TRIM17: variants seen among roughly 807,000 people sequenced by gnomAD.
The protein encoded by TRIM17 is E3 ubiquitin-protein ligase TRIM17.
In TRIM17, 27 loss-of-function variants were observed where a neutral mutation model predicts 35.8. The observed-to-expected ratio is 0.75, with a 90% CI of 0.56 to 1.04. The LOEUF is 1.04. Ranked by LOEUF, TRIM17 falls within the 50% of genes least tolerant of loss-of-function variation. TRIM17 has a pLI of 0.00. For missense variants in TRIM17, 582 were observed against 612.8 expected (o/e 0.95, Z 0.53); for synonymous variants, 246 against 252.6 (o/e 0.97, Z 0.25).
At position 228,413,790 on chromosome 1, in the gene TRIM17, C is replaced by T. The variant is rs745899723; in HGVS notation, c.525+7G>A. The T allele has an allele frequency of 1.1e-5, 18 of 1,612,410 alleles. No individual in the cohort carries two copies. In the Admixed American group the frequency reaches 3.0e-4, roughly 27 times the overall value. On this transcript the variant is annotated splice_region_variant and intron_variant, in intron 3 of 6. Coordinates refer to ENST00000366698, the MANE Select transcript of TRIM17 (RefSeq NM_016102.4). Reference sequence around the variant, plus strand: ...AGGAAAGGGACTGGACAGCCCTGGGCACCCACCTGCCACTCGGCTAAGCTC... The same window carrying T: ...AGGAAAGGGACTGGACAGCCCTGGGTACCCACCTGCCACTCGGCTAAGCTC...
rs766000921 is a variant in TRIM17, at chr1:228,408,205, C to T, written c.1430G>A (p.Gly477Glu). 3 of 1,525,698 alleles carry T rather than the reference C, an allele frequency of 2.0e-6. No homozygotes were observed. The South Asian group carries it at 3.9e-5, about 20-fold the overall frequency. 94.5% of individuals were successfully genotyped at this position (1,525,698 alleles called of 1,614,324 possible). Reference sequence around the variant, plus strand: ...CCCGAGTCCCCCGGTCTGTGTCTATCCTTTCACCCACATGGTCACTGTGGA... The same window carrying T: ...CCCGAGTCCCCCGGTCTGTGTCTATTCTTTCACCCACATGGTCACTGTGGA... ...VISTVTMWVKG is the reference protein window; with the variant it reads ...VISTVTMWVKE Residue 477 changes from glycine to glutamate, a missense_variant, in exon 7 of 7, where the codon GGA (glycine) becomes GAA (glutamate). By Grantham distance (98) the Gly-to-Glu change is moderately conservative. Transcript: ENST00000366698. This position sits in a 1 kb window ranked among gnomAD's most constrained non-coding sequence, Gnocchi z 6.3.
Position 228,409,598 on chromosome 1 carries a change from G to A in TRIM17, c.757-187C>T, listed in dbSNP as rs946764994. 4 of 548,962 alleles carry A rather than the reference G, an allele frequency of 7.3e-6. No individual in the cohort carries two copies. In the Admixed American group the frequency reaches 1.1e-4, roughly 15 times the overall value. The allele number at this position is 548,962 out of a possible 1,614,324, so 34.0% of individuals were successfully genotyped here. ...TGCCCTAGCTCCCACTACCACCAGA[G>A]CCCCCAGTGCCTCACCTAAGCTGAG... is the stretch of plus-strand genomic sequence containing the variant. On this transcript the variant is annotated intron_variant, in intron 4 of 6. Transcript: ENST00000366698.
In TRIM17 at chr1:228,408,001, C is replaced by T; in HGVS notation, c.*200G>A. On this transcript the variant is annotated 3_prime_UTR_variant, in exon 7 of 7. Transcript: ENST00000366698. This position sits in a 1 kb window ranked among gnomAD's most constrained non-coding sequence, Gnocchi z 6.3. The stretch of plus-strand genomic sequence containing the variant: ...GAACGCAGGGGCTTTCAAAAGTTTC[C>T]TCTAGGAAGCATCTGTCAGTATACC... The T allele has an allele frequency of 2.2e-6, 1 of 450,226 alleles. No homozygotes were observed. The highest frequency in any genetic ancestry group is 3.8e-6 in the Non-Finnish European group (1 of 266,148). 27.9% of individuals were successfully genotyped at this position (450,226 alleles called of 1,614,324 possible).
At chr1:228,409,457 G>A (rs375100055) in intron 4 of TRIM17, 46 bp from the exon 5 acceptor site, 1 of 1,469,102 alleles carries the variant, frequency 6.8e-7, no homozygotes, top group Non-Finnish European at 9.0e-7. Context: ...CAAGCTCCTG[G>A]CTCACCTCAA....
Position 228,408,415 on chromosome 1 carries a change from G to T in TRIM17, c.1220C>A (p.Thr407Asn), listed in dbSNP as rs144009035. The T allele has an allele frequency of 1.1e-3, 1,854 of 1,614,210 alleles. 1 individual carries two copies. The highest frequency in any genetic ancestry group is 1.4e-3 in the Non-Finnish European group (1,682 of 1,180,028). Reference sequence around the variant, plus strand: ...GGGAGGCTCCATCAGCATGACCGGGGTTAGGGCAGAGAAGGTGGATAAGTA... The same window carrying T: ...GGGAGGCTCCATCAGCATGACCGGGTTTAGGGCAGAGAAGGTGGATAAGTA... Reference protein sequence around the residue: ...TKYLSTFSALTPVMLMEPPSH... With the variant: ...TKYLSTFSALNPVMLMEPPSH... The change falls in exon 7 of 7, where the codon ACC becomes AAC. Residue 407 changes from threonine (T) to asparagine (N), a missense_variant. Transcript: ENST00000366698. The surrounding 1 kb of genome is among the most constrained non-coding windows in gnomAD (Gnocchi z 6.3).
At position 228,408,422 on chromosome 1, in the gene TRIM17, C is replaced by T; in HGVS notation, c.1213G>A (p.Ala405Thr). The change falls in exon 7 of 7, where the codon GCC becomes ACC. Residue 405 changes from alanine to threonine, a missense_variant. By Grantham distance (58) the Ala-to-Thr change is moderately conservative. Coordinates refer to ENST00000366698, the MANE Select transcript of TRIM17 (RefSeq NM_016102.4). This position sits in a 1 kb window ranked among gnomAD's most constrained non-coding sequence, Gnocchi z 6.3. Reference protein sequence around the residue: ...KGTKYLSTFSALTPVMLMEPP... With the variant: ...KGTKYLSTFSTLTPVMLMEPP... ...TCCATCAGCATGACCGGGGTTAGGG[C>T]AGAGAAGGTGGATAAGTACTTGGTC... 1 of 1,614,182 alleles carries T rather than the reference C, an allele frequency of 6.2e-7. No individual in the cohort carries two copies. The highest frequency in any genetic ancestry group is 8.5e-7 in the Non-Finnish European group (1 of 1,180,024).
rs1464268804 is a variant in TRIM17 at position 228,409,281 on chromosome 1, G to A, written c.780-6C>T. ...GCACACTCACGTTGTTCTTCCTCCG[G>A]TGGGCACACACAGGGGAGTCTTATT... On this transcript the variant is annotated splice_region_variant and splice_polypyrimidine_tract_variant and intron_variant, in intron 5 of 6. Coordinates refer to ENST00000366698, the MANE Select transcript of TRIM17 (RefSeq NM_016102.4). The A allele has an allele frequency of 1.9e-6, 3 of 1,613,186 alleles. No homozygotes were observed. Among genetic ancestry groups the A allele is most frequent in the South Asian group, 1.1e-5 (1 of 91,068 alleles).
rs900402839 is a variant in TRIM17, at chr1:228,407,997, T to A, written c.*204A>T. The A allele has an allele frequency of 9.2e-6, 4 of 433,930 alleles. No homozygotes were observed. The highest frequency in any genetic ancestry group is 1.6e-5 in the Non-Finnish European group (4 of 254,252). The allele number at this position is 433,930 out of a possible 1,614,324, so 26.9% of individuals were successfully genotyped here. On this transcript the variant is annotated 3_prime_UTR_variant, in exon 7 of 7. Transcript: ENST00000366698. ...CTCAGAACGCAGGGGCTTTCAAAAG[T>A]TTCCTCTAGGAAGCATCTGTCAGTA...
chr1:228,411,386 A>T lies in TRIM17; in HGVS notation c.526-210T>A, dbSNP rs541658979. Among the ~76,000 whole-genome samples the T allele has an allele frequency of 6.6e-6, 1 of 152,292 alleles. No individual in the cohort carries two copies. Among genetic ancestry groups the T allele is most frequent in the South Asian group, 2.1e-4 (1 of 4,828 alleles). Reference sequence around the variant, plus strand: ...GAGCCCCGAACTGCAACTTCTACACATCCAAACACCCATGCACCCTTGCTC... The same window carrying T: ...GAGCCCCGAACTGCAACTTCTACACTTCCAAACACCCATGCACCCTTGCTC... On this transcript the variant is annotated intron_variant, in intron 3 of 6. Coordinates refer to ENST00000366698, the MANE Select transcript of TRIM17 (RefSeq NM_016102.4). This position sits in a 1 kb window ranked among gnomAD's most constrained non-coding sequence, Gnocchi z 4.2.
intron 1 of TRIM17, chr1:228,415,836 C>G (rs1213317361): frequency 6.6e-6 from 1 of 152,440 alleles, no homozygotes. Flanking sequence ...CGCATACACA[C>G]CACACAAATA....
chr1:228,412,965 C>G (rs1656865583), intron 3 of TRIM17, among the ~76,000 whole-genome samples: 1 of 152,120 alleles, frequency 6.6e-6, no homozygotes, highest in African/African-American at 2.4e-5. Flanking sequence ...AATCCCAGCA[C>G]TTTGGGAGGC....
rs142038911 is a variant in TRIM17, at chr1:228,408,261, C to T, written c.1374G>A (p.Leu458=). Residue 458 remains leucine (L), a synonymous_variant, in exon 7 of 7, where the codon CTG becomes CTA. Transcript: ENST00000366698. The surrounding 1 kb of genome is among the most constrained non-coding windows in gnomAD (Gnocchi z 6.3). ...CCATCTGACCAGACTTCGGAGCCCC[C>T]AGGCAGAAGAAAGGCTGCAGGGGGC... The part of the protein sequence containing the change: ...FPGPLQPFFC[L]GAPKSGQMVI... 4.3e-4 allele frequency: 673 copies of T among 1,581,784 alleles called. 1 individual carries two copies. The African/African-American group carries it at 8.5e-3, about 20-fold the overall frequency.
rs1425255416 is a variant in TRIM17 at position 228,411,586 on chromosome 1, G to C, written c.526-410C>G. The stretch of plus-strand genomic sequence containing the variant: ...TTGACCTCCTGGGCTCAAGTCATCT[G>C]AGTAGCTGGGACCACAGGCATGCAC... On this transcript the variant is annotated intron_variant, in intron 3 of 6. Coordinates refer to ENST00000366698, the MANE Select transcript of TRIM17 (RefSeq NM_016102.4). This position sits in a 1 kb window ranked among gnomAD's most constrained non-coding sequence, Gnocchi z 4.2. Among the ~76,000 whole-genome samples, 1 of 151,748 alleles carries C rather than the reference G, an allele frequency of 6.6e-6. No individual in the cohort carries two copies. Among genetic ancestry groups the C allele is most frequent in the Non-Finnish European group, 1.5e-5 (1 of 67,964 alleles).
Position 228,408,124 on chromosome 1 carries a change from G to C in TRIM17, c.*77C>G, listed in dbSNP as rs1656537030. 3 of 1,404,398 alleles carry C rather than the reference G, an allele frequency of 2.1e-6. No homozygotes were observed. In the East Asian group the frequency reaches 7.1e-5, roughly 33 times the overall value. 87.0% of individuals were successfully genotyped at this position (1,404,398 alleles called of 1,614,324 possible). A position where few individuals can be genotyped will look rare whatever the true frequency, so the allele number is the denominator to read the frequency against. On this transcript the variant is annotated 3_prime_UTR_variant, in exon 7 of 7. Transcript: ENST00000366698. This position sits in a 1 kb window ranked among gnomAD's most constrained non-coding sequence, Gnocchi z 6.3. ...GCCAGCGTGATGCCAGAGAACCCTG[G>C]CAGGTGGCCTGCAGTAAGCAGAAGG...
chr1:228,411,024 G>A lies in TRIM17; in HGVS notation c.678C>T (p.Asp226=), dbSNP rs766380614. 2 of 1,612,822 alleles carry A rather than the reference G, an allele frequency of 1.2e-6. No homozygotes were observed. Among genetic ancestry groups the A allele is most frequent in the South Asian group, 2.2e-5 (2 of 91,010 alleles). ...GCAGCTCCAGAGAGTGACCCTGCCG[G>A]TCCAGGCAGGCCACGCTCTCCCGGA... ...SRLRESVACL[D]RQGHSLELLL... Residue 226 remains aspartate, a synonymous_variant, in exon 4 of 7, where the codon GAC becomes GAT. Transcript: ENST00000366698. This position sits in a 1 kb window ranked among gnomAD's most constrained non-coding sequence, Gnocchi z 4.2.
chr1:228,412,048 T>C (rs1235387191), intron 3 of TRIM17, among the ~76,000 whole-genome samples: 1 of 152,026 alleles, frequency 6.6e-6, no homozygotes, highest in Non-Finnish European at 1.5e-5. Flanking sequence ...GTTATTTTGT[T>C]TTTCCTTTTT....
chr1:228,410,637 G>A lies in TRIM17; in HGVS notation c.756+309C>T, dbSNP rs917658098. Among the ~76,000 whole-genome samples, 4 of 152,186 alleles carry A rather than the reference G, an allele frequency of 2.6e-5. No individual in the cohort carries two copies. The highest frequency in any genetic ancestry group is 9.7e-5 in the African/African-American group (4 of 41,424). ...TAGCATCTTTAAGGAGGGAGTTGAG[G>A]TCACTGGGGTGGGCCCTAATCCAGT... On this transcript the variant is annotated intron_variant, in intron 4 of 6. Coordinates refer to ENST00000366698, the MANE Select transcript of TRIM17 (RefSeq NM_016102.4). The surrounding 1 kb of genome is among the most constrained non-coding windows in gnomAD (Gnocchi z 4.6).
rs1468697874 is a variant in TRIM17, at chr1:228,408,310, G to A, written c.1325C>T (p.Thr442Ile). 1.2e-6 allele frequency: 2 copies of A among 1,610,602 alleles called. No individual in the cohort carries two copies. Among genetic ancestry groups the A allele is most frequent in the African/African-American group, 2.7e-5 (2 of 74,866 alleles). The change falls in exon 7 of 7, where the codon ACC becomes ATC. Residue 442 changes from threonine (T) to isoleucine (I), a missense_variant. Coordinates refer to ENST00000366698, the MANE Select transcript of TRIM17 (RefSeq NM_016102.4). The surrounding 1 kb of genome is among the most constrained non-coding windows in gnomAD (Gnocchi z 6.3). Reference sequence around the variant, plus strand: ...GCCTGGGAAGGTGGCCTGGGAGTAGGTGTGCAGGTGGGACCCATCGCTTAC... The same window carrying A: ...GCCTGGGAAGGTGGCCTGGGAGTAGATGTGCAGGTGGGACCCATCGCTTAC... ...YSVSDGSHLH[T>I]YSQATFPGPL...
chr1:228,416,353 C>T, intron 1 of TRIM17, 186 bp downstream of exon 1: 2 of 985,542 alleles, frequency 2.0e-6, no homozygotes, highest in Non-Finnish European at 2.4e-6. Flanking sequence ...GCTGTCCTTC[C>T]CGCTCTGGTC....
Sources: allele counts gnomAD v4.1 joint callset (sites outside exome capture counted in the v4.1 genomes callset), GRCh38; gene constraint gnomAD v4.1.1; non-coding constraint Gnocchi (gnomAD v3.1); transcripts MANE v1.5; gene names NCBI Gene and HGNC (gene_info 2026-07-23, HGNC 2026-07-21).